MAP3K1: variants seen among roughly 807,000 people sequenced by gnomAD.
MAP3K1 encodes MAP/ERK kinase kinase 1.
Under a neutral mutation model 144.2 loss-of-function variants are expected in MAP3K1, and 36 were observed. That is an observed-to-expected ratio of 0.25 (90% CI 0.19 to 0.33). The LOEUF is 0.33. Among genes scored for constraint, MAP3K1 ranks in the 10% least tolerant of loss-of-function variants. MAP3K1 has a pLI of 1.00. For synonymous variants in MAP3K1, 718 were observed against 688.7 expected (o/e 1.04, Z -0.67); for missense variants, 1,650 against 1,881.9 (o/e 0.88, Z 2.28).
intron 1 of MAP3K1, among the ~76,000 whole-genome samples, chr5:56,817,466 T>A (rs1746013609): frequency 6.6e-6 from 1 of 152,218 alleles, no homozygotes; most frequent in Non-Finnish European, 1.5e-5. Context: ...ACGATCCATT[T>A]AGTATTTGGA....
At position 56,856,748 on chromosome 5, in the gene MAP3K1, G is replaced by T. The variant is rs1412409221; in HGVS notation, c.631G>T (p.Val211Leu). The T allele has an allele frequency of 6.2e-7, 1 of 1,613,796 alleles. No homozygotes were observed. Among genetic ancestry groups the T allele is most frequent in the Non-Finnish European group, 8.5e-7 (1 of 1,179,814 alleles). Reference sequence around the variant, plus strand: ...GGAAAGGAGAAATAGGCGAGGGCCTGTGGTAAGTGGCTATGGGTTACCAGT... The same window carrying T: ...GGAAAGGAGAAATAGGCGAGGGCCTTTGGTAAGTGGCTATGGGTTACCAGT... ...WLERRNRRGP[V>L]VVKPIPVKGD... The change falls in exon 2 of 20, where the codon GTG (valine) becomes TTG (leucine). Residue 211 changes from valine (V) to leucine (L), a missense_variant and splice_region_variant. Physicochemically the swap from Val to Leu is conservative, Grantham distance 32 (BLOSUM62 1). This residue lies in a region of MAP3K1 where 148 missense variants were observed against 177.2 expected (regional missense o/e 0.84). Coordinates refer to ENST00000399503, the MANE Select transcript of MAP3K1 (RefSeq NM_005921.2).
At chr5:56,864,105 T>C (rs904317640) in intron 3 of MAP3K1, among the ~76,000 whole-genome samples, 5 of 152,232 alleles carry the variant, frequency 3.3e-5, no homozygotes, top group East Asian at 1.9e-4. Context: ...TTATGATATA[T>C]ACTTTCTATG....
chr5:56,883,726 T>C, intron 15 of MAP3K1, 47 bp downstream of exon 15: 1 of 1,586,474 alleles, frequency 6.3e-7, no homozygotes, highest in Non-Finnish European at 8.7e-7. Flanking sequence ...AATCACAAAA[T>C]GAAGCATGTT....
chr5:56,840,248 A>G (rs1746772130), intron 1 of MAP3K1, among the ~76,000 whole-genome samples: 1 of 152,110 alleles, frequency 6.6e-6, no homozygotes, highest in Non-Finnish European at 1.5e-5. Context: ...CCCAAGTTCA[A>G]ACGATTCTCC....
intron 1 of MAP3K1, among the ~76,000 whole-genome samples, chr5:56,842,507 C>T (rs73135035): frequency 1.1e-4 from 16 of 152,316 alleles, no homozygotes; most frequent in African/African-American, 3.6e-4. Context: ...AGAGGAGGCA[C>T]TGCAGAGGCT....
At chr5:56,872,580 GAAAT>G in intron 7 of MAP3K1, 57 bp from the exon 8 acceptor site, 1 of 951,694 alleles carries the variant, frequency 1.1e-6, no homozygotes, top group Non-Finnish European at 1.7e-6. Context: ...AAACAGTTAT[GAAAT>G]AAAAATAATG....
intron 2 of MAP3K1, among the ~76,000 whole-genome samples, chr5:56,859,279 A>G (rs531127396): frequency 6.6e-6 from 1 of 152,154 alleles, no homozygotes; most frequent in African/African-American, 2.4e-5. Flanking sequence ...TCAAGGTCCT[A>G]CATTTTGTAA....
At chr5:56,854,532 G>A (rs1747278614) in intron 1 of MAP3K1, among the ~76,000 whole-genome samples, 3 of 152,022 alleles carry the variant, frequency 2.0e-5, no homozygotes, top group East Asian at 3.9e-4. Flanking sequence ...TCTCAGATGT[G>A]TGTAAAAGTT....
intron 10 of MAP3K1, among the ~76,000 whole-genome samples, chr5:56,877,070 A>G (rs1012605594): frequency 6.6e-6 from 1 of 152,196 alleles, no homozygotes; most frequent in East Asian, 1.9e-4. Context: ...TTGTGAACCT[A>G]AAGGATCAAA....
At chr5:56,887,750 A>G in intron 18 of MAP3K1, 1 of 533,728 alleles carries the variant, frequency 1.9e-6, no homozygotes, top group Non-Finnish European at 3.4e-6. Flanking sequence ...GCTGTTACTA[A>G]TAAAGAATTC....
chr5:56,842,375 C>G (rs1406737364), intron 1 of MAP3K1, among the ~76,000 whole-genome samples: 1 of 152,210 alleles, frequency 6.6e-6, no homozygotes, highest in Non-Finnish European at 1.5e-5. Context: ...GAGAGTTAAT[C>G]AAACTACTTA....
At chr5:56,821,606 A>G (rs1746154647) in intron 1 of MAP3K1, among the ~76,000 whole-genome samples, 1 of 152,196 alleles carries the variant, frequency 6.6e-6, no homozygotes, top group African/African-American at 2.4e-5. Context: ...TATGTTGCCC[A>G]GGCTGGAATC....
chr5:56,854,516 A>G (rs913780675), intron 1 of MAP3K1, among the ~76,000 whole-genome samples: 11 of 152,186 alleles, frequency 7.2e-5, no homozygotes, highest in Admixed American at 6.6e-4. Context: ...GAAATTTAAA[A>G]AAGAATCTCA....
intron 6 of MAP3K1, among the ~76,000 whole-genome samples, chr5:56,867,054 ACTC>A (rs1035746935): frequency 5.9e-5 from 9 of 152,042 alleles, no homozygotes; most frequent in Non-Finnish European, 8.8e-5. Context: ...AGCCTCCTGA[ACTC>A]CTAGCCCCAA....
chr5:56,827,714 A>ATT (rs1746362082), intron 1 of MAP3K1, among the ~76,000 whole-genome samples: 1 of 152,098 alleles, frequency 6.6e-6, no homozygotes, highest in Non-Finnish European at 1.5e-5. Flanking sequence ...AAATACAAAA[A>ATT]TTAGCCGGGC....
At chr5:56,881,406 A>T (rs1310118119) in intron 13 of MAP3K1, 134 bp downstream of exon 13, 3 of 989,596 alleles carry the variant, frequency 3.0e-6, no homozygotes, top group African/African-American at 1.6e-5. Context: ...TTTGATTGAC[A>T]TATGAAAACC....
chr5:56,893,565 C>A lies in MAP3K1; in HGVS notation c.4424C>A (p.Ser1475Ter). 6.2e-7 allele frequency: 1 copy of A among 1,614,014 alleles called. No homozygotes were observed. Among genetic ancestry groups the A allele is most frequent in the Non-Finnish European group, 8.5e-7 (1 of 1,179,892 alleles). The change falls in exon 20 of 20, where the codon TCA (serine) becomes TAA (stop). Residue 1475 changes from serine (S) to a stop codon, truncating the protein, a stop_gained. Transcript: ENST00000399503. LOFTEE classifies it high-confidence loss of function. The part of the protein sequence containing the change: ...ASATTAPSIP[S>*]HLSPGLRDVA... ...GCAACTACTGCTCCATCGATCCCTT[C>A]ACATTTGTCTCCTGGTTTACGAGAT...
chr5:56,833,042 T>C (rs1158200145), intron 1 of MAP3K1, among the ~76,000 whole-genome samples: 4 of 152,128 alleles, frequency 2.6e-5, no homozygotes, highest in African/African-American at 4.8e-5. Context: ...CAGATAATTT[T>C]TGTGTTTTTA....
intron 14 of MAP3K1, 47 bp downstream of exon 14, chr5:56,882,913 G>A (rs1431886877): frequency 7.0e-7 from 1 of 1,438,516 alleles, no homozygotes; most frequent in South Asian, 1.2e-5. Context: ...TTGGGGCTGG[G>A]CACAGTGACT....
Sources: allele counts gnomAD v4.1 joint callset (sites outside exome capture counted in the v4.1 genomes callset), GRCh38; gene constraint gnomAD v4.1.1; regional missense constraint gnomAD v4.1.1; transcripts MANE v1.5; gene names NCBI Gene and HGNC (gene_info 2026-07-23, HGNC 2026-07-21).